The following KCNIP1 variants were observed in gnomAD, a reference collection of about 807,000 sequenced individuals.
The protein encoded by KCNIP1 is potassium voltage-gated channel interacting protein 1.
In KCNIP1, 18 loss-of-function variants were observed where a neutral mutation model predicts 33.0. That is an observed-to-expected ratio of 0.55 (90% CI 0.38 to 0.81). KCNIP1 has a LOEUF of 0.81. KCNIP1 is among the 30% of genes least tolerant of loss of function. The pLI is 0.00. For missense variants in KCNIP1, 238 were observed against 271.6 expected (o/e 0.88, Z 0.87); for synonymous variants, 93 against 98.3 (o/e 0.95, Z 0.32).
At chr5:170,414,655 G>A (rs1369480044) in intron 1 of KCNIP1, among the ~76,000 whole-genome samples, 2 of 152,188 alleles carry the variant, frequency 1.3e-5, no homozygotes, top group Non-Finnish European at 2.9e-5. Flanking sequence ...TTCTGCTGAA[G>A]TTTTTCTTTT....
intron 1 of KCNIP1, among the ~76,000 whole-genome samples, chr5:170,512,445 T>G (rs1754973447): frequency 6.6e-6 from 1 of 152,232 alleles, no homozygotes; most frequent in African/African-American, 2.4e-5. Flanking sequence ...GTTATACGGT[T>G]GTTATGAGCA....
chr5:170,565,085 C>T (rs936266006), intron 1 of KCNIP1, among the ~76,000 whole-genome samples: 2 of 152,128 alleles, frequency 1.3e-5, no homozygotes, highest in Non-Finnish European at 2.9e-5. Flanking sequence ...TTCAACCTTC[C>T]TTTATCTCCC....
intron 1 of KCNIP1, among the ~76,000 whole-genome samples, chr5:170,641,224 C>A (rs1581434237): frequency 6.6e-6 from 1 of 152,176 alleles, no homozygotes; most frequent in Non-Finnish European, 1.5e-5. Context: ...TTGGGAAGAG[C>A]CTCTTTCCCA....
intron 1 of KCNIP1, among the ~76,000 whole-genome samples, chr5:170,479,599 TCAGC>T (rs1192795308): frequency 4.3e-4 from 66 of 152,288 alleles, no homozygotes; most frequent in African/African-American, 1.5e-3. Flanking sequence ...AAATGCAAGC[TCAGC>T]ATGACATACC....
intron 1 of KCNIP1, among the ~76,000 whole-genome samples, chr5:170,387,669 CTT>C (rs751097553): frequency 3.3e-5 from 5 of 152,218 alleles, no homozygotes; most frequent in Admixed American, 6.5e-5. Context: ...TTATTCAACT[CTT>C]TTTATTCAAT....
At chr5:170,621,866 G>A (rs1759614818) in intron 1 of KCNIP1, among the ~76,000 whole-genome samples, 2 of 152,140 alleles carry the variant, frequency 1.3e-5, no homozygotes, top group South Asian at 4.1e-4. Flanking sequence ...ACTAGGCCCA[G>A]AAATGAGAGG....
chr5:170,483,162 C>G, intron 1 of KCNIP1: 1 of 422,064 alleles, frequency 2.4e-6, no homozygotes, highest in Non-Finnish European at 4.7e-6. Flanking sequence ...GGAGCTCACT[C>G]GCCCTGCCTC....
intron 1 of KCNIP1, among the ~76,000 whole-genome samples, chr5:170,394,475 G>GA (rs142030338): frequency 0.12 from 17,927 of 151,842 alleles, 1,343 homozygotes; most frequent in Non-Finnish European, 0.17. Context: ...TGGTTTTCGG[G>GA]AAAAAAAATC....
intron 1 of KCNIP1, among the ~76,000 whole-genome samples, chr5:170,365,791 A>G (rs1020527237): frequency 3.3e-5 from 5 of 152,270 alleles, no homozygotes; most frequent in Non-Finnish European, 7.3e-5. Context: ...CTTCGAGCCT[A>G]GCCTCCTTTT....
At chr5:170,430,336 T>C (rs1042558784) in intron 1 of KCNIP1, among the ~76,000 whole-genome samples, 1 of 152,210 alleles carries the variant, frequency 6.6e-6, no homozygotes, top group Admixed American at 6.5e-5. Flanking sequence ...CTCAGGTTCT[T>C]CTTGTAACAC....
At chr5:170,667,480 A>C (rs1253274667) in intron 1 of KCNIP1, among the ~76,000 whole-genome samples, 1 of 152,234 alleles carries the variant, frequency 6.6e-6, no homozygotes, top group Non-Finnish European at 1.5e-5. Context: ...ACCTAATGAA[A>C]TTCATCCGGT....
chr5:170,392,335 C>T (rs187626358), intron 1 of KCNIP1, among the ~76,000 whole-genome samples: 235 of 152,218 alleles, frequency 1.5e-3, no homozygotes, highest in Admixed American at 3.5e-3. Context: ...ACAAAATCCA[C>T]GAGAAGAAAA....
chr5:170,625,956 G>A (rs185454794), intron 1 of KCNIP1, among the ~76,000 whole-genome samples: 33 of 152,338 alleles, frequency 2.2e-4, no homozygotes, highest in Admixed American at 2.0e-3. Flanking sequence ...AGAACCCCAA[G>A]TGGGAACAAC....
intron 1 of KCNIP1, among the ~76,000 whole-genome samples, chr5:170,380,475 A>G (rs1344928302): frequency 6.6e-6 from 1 of 152,218 alleles, no homozygotes; most frequent in African/African-American, 2.4e-5. Flanking sequence ...CTGGATTTAT[A>G]TGAGGTGCCA....
At chr5:170,513,051 G>GA (rs766634519) in intron 1 of KCNIP1, among the ~76,000 whole-genome samples, 2,768 of 136,442 alleles carry the variant, frequency 0.02, 65 homozygotes, top group African/African-American at 0.051. Context: ...CTCCATCTTG[G>GA]AAAAAAAAAA....
At chr5:170,607,080 C>T (rs576109851) in intron 1 of KCNIP1, among the ~76,000 whole-genome samples, 4 of 152,212 alleles carry the variant, frequency 2.6e-5, no homozygotes, top group Non-Finnish European at 5.9e-5. Context: ...GGAAGGACCA[C>T]CTCCTGTTCA....
intron 1 of KCNIP1, among the ~76,000 whole-genome samples, chr5:170,470,637 C>G (rs1238067097): frequency 6.6e-6 from 1 of 152,152 alleles, no homozygotes; most frequent in Non-Finnish European, 1.5e-5. Context: ...CAGGCAAAAT[C>G]ATAAATTAAT....
intron 1 of KCNIP1, among the ~76,000 whole-genome samples, chr5:170,453,449 C>G (rs1032856): frequency 0.12 from 18,151 of 152,268 alleles, 1,347 homozygotes; most frequent in South Asian, 0.27. Flanking sequence ...CGGGGTACCA[C>G]ATTCCTGGTT....
At chr5:170,412,300 G>A (rs1755214702) in intron 1 of KCNIP1, among the ~76,000 whole-genome samples, 1 of 152,152 alleles carries the variant, frequency 6.6e-6, no homozygotes, top group Admixed American at 6.5e-5. Context: ...GGGAAAAGCA[G>A]GAGAAAAGAT....
Sources: gnomAD v4.1 joint callset for allele counts (sites outside exome capture counted in the v4.1 genomes callset) on GRCh38, gnomAD v4.1.1 for gene constraint, MANE v1.5 for transcripts, NCBI Gene and HGNC (gene_info 2026-07-23, HGNC 2026-07-21) for gene names.